Variants in NUDT2 observed in about 807,000 individuals in gnomAD.
NUDT2 encodes nudix hydrolase 2.
Under a neutral mutation model 14.2 loss-of-function variants are expected in NUDT2, and 12 were observed. The ratio of observed to expected loss-of-function variants is 0.84; its 90% CI spans 0.54 to 1.37. The LOEUF is 1.37. Among genes scored for constraint, NUDT2 ranks in the 40% most tolerant of loss-of-function variants. The pLI is 0.00. For synonymous variants in NUDT2, 67 were observed against 67.4 expected (o/e 0.99, Z 0.03); for missense variants, 167 against 176.7 (o/e 0.95, Z 0.31).
In NUDT2 at chr9:34,343,241, A is replaced by T. The variant is rs746045196; in HGVS notation, c.245A>T (p.Tyr82Phe). 3.7e-6 allele frequency: 6 copies of T among 1,613,948 alleles called. No homozygotes were observed. The highest frequency in any genetic ancestry group is 1.6e-4 in the Middle Eastern group (1 of 6,084). The change falls in exon 5 of 5, where the codon TAT becomes TTT. Residue 82 changes from tyrosine (Y) to phenylalanine (F), a missense_variant. By Grantham distance (22) the Tyr-to-Phe change is conservative. Coordinates refer to ENST00000379158, the MANE Select transcript of NUDT2 (RefSeq NM_001161.5). Reference sequence around the variant, plus strand: ...GAGGGGTTCAAAAGGGAACTCAATTATGTGGCCAGGAACAAGCCTAAAACA... The same window carrying T: ...GAGGGGTTCAAAAGGGAACTCAATTTTGTGGCCAGGAACAAGCCTAAAACA... ...IIEGFKRELN[Y>F]VARNKPKTVI...
chr9:34,331,754 C>T (rs950695705), intron 1 of NUDT2, among the ~76,000 whole-genome samples: 1 of 152,184 alleles, frequency 6.6e-6, no homozygotes, highest in Admixed American at 6.5e-5. Flanking sequence ...GATCACTGAA[C>T]TTTAGACCCA....
chr9:34,343,209 C>T lies in NUDT2; in HGVS notation c.213C>T (p.Thr71=), dbSNP rs758997649. Residue 71 remains threonine (T), a synonymous_variant, in exon 5 of 5, where the codon ACC becomes ACT. Transcript: ENST00000379158. ...CAGGCATAGAAGCAGGCCAGCTGAC[C>T]ATTATTGAGGGGTTCAAAAGGGAAC... ...EEAGIEAGQL[T]IIEGFKRELN... The T allele has an allele frequency of 1.2e-6, 2 of 1,613,920 alleles. No individual in the cohort carries two copies. Among genetic ancestry groups the T allele is most frequent in the Admixed American group, 1.7e-5 (1 of 59,958 alleles).
At chr9:34,341,628 G>T (rs572110938) in intron 4 of NUDT2, among the ~76,000 whole-genome samples, 2 of 152,320 alleles carry the variant, frequency 1.3e-5, no homozygotes, top group East Asian at 3.9e-4. Context: ...TCCTGCCTCA[G>T]CCTCCCGAGT....
rs1287812121 is a variant in NUDT2 at position 34,336,264 on chromosome 9, A to G, written c.-229A>G. On this transcript the variant is annotated 5_prime_UTR_variant, in exon 2 of 5. Transcript: ENST00000379158. ...GGATCAGCTACCTGTTTCTGCCTCA[A>G]CCACGGACCAATAATATGAGATCTT... is the stretch of plus-strand genomic sequence containing the variant. 5.3e-5 allele frequency: 8 copies of G among 152,194 alleles called. No homozygotes were observed. Among genetic ancestry groups the G allele is most frequent in the African/African-American group, 1.7e-4 (7 of 41,444 alleles). The allele number at this position is 152,194 out of a possible 1,614,324, so 9.4% of individuals were successfully genotyped here.
intron 2 of NUDT2, among the ~76,000 whole-genome samples, chr9:34,338,156 TAAAAA>T (rs74180557): frequency 1.9e-4 from 6 of 31,042 alleles, no homozygotes; most frequent in Non-Finnish European, 3.3e-4. Flanking sequence ...CCCTGTTTCT[TAAAAA>T]AAAAAAAAAA....
At chr9:34,337,810 T>G (rs959523745) in intron 2 of NUDT2, among the ~76,000 whole-genome samples, 4 of 152,114 alleles carry the variant, frequency 2.6e-5, no homozygotes, top group Non-Finnish European at 5.9e-5. Flanking sequence ...TGTGCCTGTA[T>G]TGCCAGCTGC....
Position 34,343,342 on chromosome 9 carries a change from T to TGG in NUDT2, c.347_348dup (p.Leu117GlyfsTer16). ...CTCCCATGAGCACCAAGCCTACCGC[T>TGG]GGCTGGGGCTGGAGGAGGCCTGCCA... is the stretch of plus-strand genomic sequence containing the variant. On this transcript the variant is annotated frameshift_variant, in exon 5 of 5. Coordinates refer to ENST00000379158, the MANE Select transcript of NUDT2 (RefSeq NM_001161.5). LOFTEE classifies it high-confidence loss of function. 6.2e-7 allele frequency: 1 copy of TGG among 1,613,908 alleles called. No individual in the cohort carries two copies. Among genetic ancestry groups the TGG allele is most frequent in the Non-Finnish European group, 8.5e-7 (1 of 1,179,978 alleles).
chr9:34,331,242 A>G (rs575550121), intron 1 of NUDT2, among the ~76,000 whole-genome samples: 1 of 152,332 alleles, frequency 6.6e-6, no homozygotes, highest in Non-Finnish European at 1.5e-5. Context: ...ATGAAAAGTC[A>G]TTTCTTTAAA....
Position 34,343,077 on chromosome 9 carries a change from C to T in NUDT2, c.128-47C>T, listed in dbSNP as rs781204300. ...TGTCTGGAAAATCCAGCTTTGGGAACTTTGGAAGATTTCCTCCTCCTTTTC... is the reference window on the plus strand; with the variant it reads ...TGTCTGGAAAATCCAGCTTTGGGAATTTTGGAAGATTTCCTCCTCCTTTTC... On this transcript the variant is annotated intron_variant, in intron 4 of 4. Coordinates refer to ENST00000379158, the MANE Select transcript of NUDT2 (RefSeq NM_001161.5). 8 of 1,510,120 alleles carry T rather than the reference C, an allele frequency of 5.3e-6. No individual in the cohort carries two copies. The African/African-American group carries it at 7.0e-5, about 13-fold the overall frequency. The allele number at this position is 1,510,120 out of a possible 1,614,324, so 93.5% of individuals were successfully genotyped here. A position where few individuals can be genotyped will look rare whatever the true frequency, so the allele number is the denominator to read the frequency against.
At chr9:34,336,431 T>C (rs143107361) in intron 2 of NUDT2, 90 bp downstream of exon 2, 1 of 152,250 alleles carries the variant, frequency 6.6e-6, no homozygotes, top group South Asian at 2.1e-4. Context: ...TATATGAATT[T>C]GTAAACTCAA....
chr9:34,330,096 A>G (rs905283169), intron 1 of NUDT2, among the ~76,000 whole-genome samples: 12 of 152,378 alleles, frequency 7.9e-5, no homozygotes, highest in Admixed American at 2.6e-4. Flanking sequence ...ACAAACAAAC[A>G]AAAAAGGGAC....
chr9:34,331,405 G>A (rs772054865), intron 1 of NUDT2, among the ~76,000 whole-genome samples: 74 of 152,218 alleles, frequency 4.9e-4, no homozygotes, highest in Admixed American at 1.2e-3. Context: ...TACAAATGAG[G>A]AAGTTAAGTA....
chr9:34,339,622 T>G (rs779486589), intron 4 of NUDT2, among the ~76,000 whole-genome samples: 1 of 152,094 alleles, frequency 6.6e-6, no homozygotes, highest in Non-Finnish European at 1.5e-5. Context: ...GTGGGCAGAT[T>G]GCTTGAGCCC....
chr9:34,340,217 T>C (rs1333301891), intron 4 of NUDT2, among the ~76,000 whole-genome samples: 1 of 152,206 alleles, frequency 6.6e-6, no homozygotes, highest in East Asian at 1.9e-4. Flanking sequence ...ATTACAGGCG[T>C]GAGCCACCGC....
At chr9:34,334,997 C>T (rs990979482) in intron 1 of NUDT2, among the ~76,000 whole-genome samples, 2 of 152,168 alleles carry the variant, frequency 1.3e-5, no homozygotes, top group Non-Finnish European at 2.9e-5. Context: ...GTGGCAGTAC[C>T]TGTACTTTCT....
At chr9:34,340,464 C>G (rs1838203351) in intron 4 of NUDT2, among the ~76,000 whole-genome samples, 1 of 152,198 alleles carries the variant, frequency 6.6e-6, no homozygotes, top group Admixed American at 6.5e-5. Context: ...GAGATTGCAG[C>G]TTGACCAGCT....
In NUDT2 at chr9:34,343,137, A is replaced by G. The variant is rs774142940; in HGVS notation, c.141A>G (p.Pro47=). 1 of 1,613,054 alleles carries G rather than the reference A, an allele frequency of 6.2e-7. No individual in the cohort carries two copies. The highest frequency in any genetic ancestry group is 1.1e-5 in the South Asian group (1 of 91,008). Residue 47 remains proline (P), a synonymous_variant, in exon 5 of 5, where the codon CCA becomes CCG. Transcript: ENST00000379158. ...TCTCCTAACTAGGCCATGTGGAACC[A>G]GGAGAGGATGACTTGGAAACAGCCC... is the stretch of plus-strand genomic sequence containing the variant. ...HWTPPKGHVE[P]GEDDLETALR...
rs557567866 is a variant in NUDT2 at position 34,343,095 on chromosome 9, T to C, written c.128-29T>C. The C allele has an allele frequency of 9.0e-6, 14 of 1,551,522 alleles. No homozygotes were observed. The South Asian group carries it at 1.6e-4, about 17-fold the overall frequency. On this transcript the variant is annotated intron_variant, in intron 4 of 4. Transcript: ENST00000379158. Reference sequence around the variant, plus strand: ...TTGGGAACTTTGGAAGATTTCCTCCTCCTTTTCTTCCTCTTTTCTCCTAAC... The same window carrying C: ...TTGGGAACTTTGGAAGATTTCCTCCCCCTTTTCTTCCTCTTTTCTCCTAAC...
chr9:34,339,437 G>A (rs1275549837), intron 4 of NUDT2, among the ~76,000 whole-genome samples: 2 of 152,186 alleles, frequency 1.3e-5, no homozygotes, highest in African/African-American at 4.8e-5. Flanking sequence ...GTGAATGGCT[G>A]GGTAAGAGAA....
Sources: gnomAD v4.1 joint callset for allele counts (sites outside exome capture counted in the v4.1 genomes callset) on GRCh38, gnomAD v4.1.1 for gene constraint, MANE v1.5 for transcripts, NCBI Gene and HGNC (gene_info 2026-07-23, HGNC 2026-07-21) for gene names.